HELLS: variants seen among roughly 807,000 people sequenced by gnomAD.
HELLS encodes the protein lymphoid-specific helicase.
HELLS carries 32 observed loss-of-function variants against 120.0 expected under a neutral mutation model. That is an observed-to-expected ratio of 0.27 (90% CI 0.20 to 0.36). The LOEUF (loss-of-function observed/expected upper bound fraction) is 0.36. Ranked by LOEUF, HELLS falls within the 10% of genes least tolerant of loss-of-function variation. HELLS has a pLI of 1.00. For synonymous variants in HELLS, 341 were observed against 323.4 expected (o/e 1.05, Z -0.58); for missense variants, 650 against 993.4 (o/e 0.65, Z 4.65).
At chr10:94,546,544 T>C (rs769562246) in intron 2 of HELLS, 46 bp downstream of exon 2, 1 of 1,611,102 alleles carries the variant, frequency 6.2e-7, no homozygotes, top group Non-Finnish European at 8.5e-7. Context: ...TGTGGTAACC[T>C]CGGCTTTAAC....
At chr10:94,603,740 C>T (rs557016022), downstream of HELLS, among the ~76,000 whole-genome samples, 1 of 152,312 alleles carries the variant, frequency 6.6e-6, no homozygotes, top group East Asian at 1.9e-4. Context: ...GTTATTTAAA[C>T]CAAAAATCTT....
chr10:94,557,221 C>A (rs1211534590), intron 3 of HELLS: 1 of 411,892 alleles, frequency 2.4e-6, no homozygotes, highest in Non-Finnish European at 5.0e-6. Flanking sequence ...TGAGAGAATA[C>A]AGTAAGTCCC....
intron 3 of HELLS, 58 bp from the exon 4 acceptor site, chr10:94,558,081 G>A (rs919210566): frequency 2.8e-5 from 40 of 1,410,948 alleles, no homozygotes; most frequent in South Asian, 4.3e-5. Context: ...ATTGATATGC[G>A]TTTTTTTTTT....
intron 12 of HELLS, among the ~76,000 whole-genome samples, chr10:94,587,427 T>TTGTGTG (rs149130379): frequency 1.3e-5 from 2 of 150,866 alleles, no homozygotes; most frequent in African/African-American, 2.4e-5. Context: ...TTATACACTT[T>TTGTGTG]TGTGTGTGTG....
At chr10:94,571,079 C>T (rs761988135) in intron 6 of HELLS, 7 of 206,394 alleles carry the variant, frequency 3.4e-5, no homozygotes, top group Non-Finnish European at 4.8e-5. Flanking sequence ...GACCCCAGGA[C>T]TAGAGGTTTG....
intron 10 of HELLS, 67 bp from the exon 11 acceptor site, chr10:94,581,259 T>C (rs565957532): frequency 2.0e-6 from 2 of 976,430 alleles, no homozygotes; most frequent in East Asian, 5.0e-5. Flanking sequence ...GTTTTATTTT[T>C]AGAATTCTTG....
chr10:94,575,397 C>T (rs541384995), intron 9 of HELLS, among the ~76,000 whole-genome samples: 116 of 151,808 alleles, frequency 7.6e-4, no homozygotes, highest in African/African-American at 2.4e-3. Context: ...CTGTACCTCC[C>T]GGGCCCAGCC....
intron 5 of HELLS, 38 bp downstream of exon 5, chr10:94,562,765 T>C (rs760118815): frequency 6.5e-7 from 1 of 1,550,078 alleles, no homozygotes; most frequent in Non-Finnish European, 8.8e-7. Flanking sequence ...AATATGCGTT[T>C]ATATTTCTAT....
chr10:94,592,627 G>C, intron 17 of HELLS, 113 bp downstream of exon 17: 3 of 701,106 alleles, frequency 4.3e-6, no homozygotes, highest in Non-Finnish European at 6.3e-6. Flanking sequence ...GAAATGACCA[G>C]AAACCCTGTG....
intron 7 of HELLS, among the ~76,000 whole-genome samples, chr10:94,571,674 G>T (rs1844175653): frequency 6.6e-6 from 1 of 152,186 alleles, no homozygotes; most frequent in Non-Finnish European, 1.5e-5. Context: ...GTCTAGCAAT[G>T]TTGCTTTTAA....
chr10:94,576,379 T>C (rs1320188547), intron 9 of HELLS, among the ~76,000 whole-genome samples: 1 of 152,168 alleles, frequency 6.6e-6, no homozygotes, highest in East Asian at 1.9e-4. Context: ...CTCGAACTAC[T>C]GGACTTTAGA....
intron 6 of HELLS, among the ~76,000 whole-genome samples, chr10:94,563,347 C>T (rs371558325): frequency 1.3e-5 from 2 of 152,160 alleles, no homozygotes; most frequent in Admixed American, 6.5e-5. Flanking sequence ...CCGCCCGCCT[C>T]GGTCTCCTAA....
intron 6 of HELLS, among the ~76,000 whole-genome samples, chr10:94,564,103 C>G (rs1455349699): frequency 3.9e-5 from 6 of 152,186 alleles, no homozygotes; most frequent in Admixed American, 2.6e-4. Context: ...AGCCACTGCA[C>G]CCGGCCTTTG....
At chr10:94,549,521 A>C (rs1484689471) in intron 2 of HELLS, among the ~76,000 whole-genome samples, 1 of 152,162 alleles carries the variant, frequency 6.6e-6, no homozygotes, top group Non-Finnish European at 1.5e-5. Flanking sequence ...GAGGGGGAAT[A>C]GTTGGAGTCA....
chr10:94,556,974 C>T (rs1041239945), intron 3 of HELLS, among the ~76,000 whole-genome samples: 1 of 152,190 alleles, frequency 6.6e-6, no homozygotes, highest in Admixed American at 6.5e-5. Context: ...CTATTTTATG[C>T]CTGGAACCTT....
chr10:94,594,785 A>G lies in HELLS; in HGVS notation c.2179A>G (p.Thr727Ala), dbSNP rs545861257. 1.9e-6 allele frequency: 3 copies of G among 1,613,868 alleles called. No homozygotes were observed. The highest frequency in any genetic ancestry group is 1.7e-6 in the Non-Finnish European group (2 of 1,179,736). Reference sequence around the variant, plus strand: ...TGTTTATCGCCTTGTTACAGCAAATACTATCGATCAGAAAATTGTGGAAAG... The same window carrying G: ...TGTTTATCGCCTTGTTACAGCAAATGCTATCGATCAGAAAATTGTGGAAAG... Reference protein sequence around the residue: ...VVVYRLVTANTIDQKIVERAA... With the variant: ...VVVYRLVTANAIDQKIVERAA... The change falls in exon 19 of 22, where the codon ACT (threonine) becomes GCT (alanine). Residue 727 changes from threonine to alanine, a missense_variant. This residue lies in a region of HELLS where 22 missense variants were observed against 78.2 expected (regional missense o/e 0.28). Coordinates refer to ENST00000348459, the MANE Select transcript of HELLS (RefSeq NM_018063.5).
intron 2 of HELLS, among the ~76,000 whole-genome samples, chr10:94,550,348 G>C (rs1842923369): frequency 6.6e-6 from 1 of 151,870 alleles, no homozygotes; most frequent in African/African-American, 2.4e-5. Flanking sequence ...GCGTGATCTT[G>C]GCTCACTGCG....
chr10:94,613,432 C>T (rs942658824), exon 10 of HELLS: 2 of 152,156 alleles, frequency 1.3e-5, no homozygotes, highest in African/African-American at 4.8e-5. Context: ...TTAAACATTT[C>T]TTCGTTGTTA....
At position 94,582,978 on chromosome 10, in the gene HELLS, T is replaced by C; in HGVS notation, c.1245T>C (p.Phe415=). 1 of 1,598,794 alleles carries C rather than the reference T, an allele frequency of 6.3e-7. No homozygotes were observed. The highest frequency in any genetic ancestry group is 8.5e-7 in the Non-Finnish European group (1 of 1,171,322). Residue 415 remains phenylalanine, a synonymous_variant, in exon 12 of 22, where the codon TTT becomes TTC. Coordinates refer to ENST00000348459, the MANE Select transcript of HELLS (RefSeq NM_018063.5). ...FDDLKSFESW[F]DITSLSETAE... ...TCTCTTCCAGCTTTGAGTCTTGGTTTGACATCACTAGTCTTTCTGAAACTG... is the reference window on the plus strand; with the variant it reads ...TCTCTTCCAGCTTTGAGTCTTGGTTCGACATCACTAGTCTTTCTGAAACTG...
Sources: allele counts gnomAD v4.1 joint callset (sites outside exome capture counted in the v4.1 genomes callset), GRCh38; gene constraint gnomAD v4.1.1; regional missense constraint gnomAD v4.1.1; transcripts MANE v1.5; gene names NCBI Gene and HGNC (gene_info 2026-07-23, HGNC 2026-07-21).